KLHL14: variants seen among roughly 807,000 people sequenced by gnomAD.
The protein encoded by KLHL14 is kelch like family member 14.
A neutral mutation model predicts 64.3 loss-of-function variants in KLHL14; 22 were observed. The observed-to-expected ratio is 0.34, with a 90% CI of 0.24 to 0.49. KLHL14 has a LOEUF of 0.49. Ranked by LOEUF, KLHL14 falls within the 20% of genes least tolerant of loss-of-function variation. The pLI is 0.99. For missense variants in KLHL14, 661 were observed against 789.0 expected (o/e 0.84, Z 1.94); for synonymous variants, 322 against 333.4 (o/e 0.97, Z 0.37).
In KLHL14 at chr18:32,683,707, G is replaced by A. The variant is rs568954814; in HGVS notation, c.1239-3108C>T. Among the ~76,000 whole-genome samples the A allele has an allele frequency of 1.2e-4, 19 of 152,228 alleles. No individual in the cohort carries two copies. The highest frequency in any genetic ancestry group is 2.2e-4 in the African/African-American group (9 of 41,546). ...GTTTTAAAAAGATTAATAATAATGCGTACAAATATACTTTACACTCTGCTT... is the reference window on the plus strand; with the variant it reads ...GTTTTAAAAAGATTAATAATAATGCATACAAATATACTTTACACTCTGCTT... On this transcript the variant is annotated intron_variant, in intron 5 of 8. Transcript: ENST00000359358. This position sits in a 1 kb window ranked among gnomAD's most constrained non-coding sequence, Gnocchi z 4.2.
At chr18:32,692,962 C>T (rs866146459) in intron 4 of KLHL14, among the ~76,000 whole-genome samples, 31 of 152,188 alleles carry the variant, frequency 2.0e-4, no homozygotes, top group African/African-American at 6.3e-4. Context: ...CTAATACTAA[C>T]GAAGTCAACT....
At chr18:32,758,847 G>T (rs985881751) in intron 2 of KLHL14, among the ~76,000 whole-genome samples, 1 of 152,092 alleles carries the variant, frequency 6.6e-6, no homozygotes, top group African/African-American at 2.4e-5. Context: ...CCCACATATT[G>T]CATGATTCTA....
At chr18:32,693,641 C>T (rs9646509) in intron 4 of KLHL14, among the ~76,000 whole-genome samples, 32,501 of 152,038 alleles carry the variant, frequency 0.21, 3,978 homozygotes, top group Non-Finnish European at 0.27. Context: ...AATTTATCCT[C>T]TGGGGCTTCA....
intron 4 of KLHL14, 57 bp from the exon 5 acceptor site, chr18:32,687,290 G>T: frequency 7.4e-7 from 1 of 1,351,694 alleles, no homozygotes; most frequent in Non-Finnish European, 1.1e-6. Flanking sequence ...ATTTGCACAT[G>T]TAGTAGTGTT....
At chr18:32,687,785 G>A (rs1412022659) in intron 4 of KLHL14, among the ~76,000 whole-genome samples, 3 of 152,158 alleles carry the variant, frequency 2.0e-5, no homozygotes, top group Non-Finnish European at 2.9e-5. Context: ...GATTTCCCAC[G>A]TGTCCCCAGC....
At chr18:32,768,259 T>C (rs954809434) in intron 2 of KLHL14, among the ~76,000 whole-genome samples, 7 of 152,118 alleles carry the variant, frequency 4.6e-5, no homozygotes, top group Non-Finnish European at 8.8e-5. Context: ...ACTTACAGGG[T>C]TTTGTTACAA....
chr18:32,699,864 T>G (rs6506979), intron 3 of KLHL14, among the ~76,000 whole-genome samples: 57,414 of 151,882 alleles, frequency 0.38, 12,946 homozygotes, highest in African/African-American at 0.64. Context: ...ACATTTGTTT[T>G]ATGGAGCCAG....
At chr18:32,754,251 C>T (rs1271301044) in intron 2 of KLHL14, among the ~76,000 whole-genome samples, 1 of 152,152 alleles carries the variant, frequency 6.6e-6, no homozygotes, top group Non-Finnish European at 1.5e-5. Context: ...TAATAAAGCC[C>T]AATTATTAGA....
At chr18:32,692,339 T>C (rs1312831447) in intron 4 of KLHL14, among the ~76,000 whole-genome samples, 1 of 152,206 alleles carries the variant, frequency 6.6e-6, no homozygotes, top group African/African-American at 2.4e-5. Context: ...ACCATTTTCA[T>C]AAGAACTAAT....
intron 3 of KLHL14, among the ~76,000 whole-genome samples, chr18:32,732,274 C>A (rs907732621): frequency 6.6e-6 from 1 of 152,072 alleles, no homozygotes; most frequent in Non-Finnish European, 1.5e-5. Flanking sequence ...TAATGAATAT[C>A]ATTCCTGACA....
Position 32,722,658 on chromosome 18 carries a change from A to C in KLHL14, c.1069+19270T>G, listed in dbSNP as rs144611802. 6.2e-4 allele frequency among the ~76,000 whole-genome samples: 95 copies of C among 152,316 alleles called. 1 individual carries two copies. The East Asian group carries it at 0.016, about 26-fold the overall frequency. On this transcript the variant is annotated intron_variant, in intron 3 of 8. Coordinates refer to ENST00000359358, the MANE Select transcript of KLHL14 (RefSeq NM_020805.3). The stretch of plus-strand genomic sequence containing the variant: ...GAAAATCATGGGAGAGGAAAAAAAA[A>C]CAGCAATCCATCTTAAAAATCAGGC...
intron 3 of KLHL14, among the ~76,000 whole-genome samples, chr18:32,717,832 T>C (rs2050053965): frequency 6.6e-6 from 1 of 152,212 alleles, no homozygotes; most frequent in Non-Finnish European, 1.5e-5. Flanking sequence ...TTGAGTATGA[T>C]GAATATAGAT....
intron 2 of KLHL14, among the ~76,000 whole-genome samples, chr18:32,755,016 G>A (rs2050274687): frequency 6.6e-6 from 1 of 152,070 alleles, no homozygotes; most frequent in African/African-American, 2.4e-5. Context: ...GAGACAATGA[G>A]GTGTGGCTTG....
At chr18:32,739,034 T>C (rs1338099108) in intron 3 of KLHL14, among the ~76,000 whole-genome samples, 1 of 152,100 alleles carries the variant, frequency 6.6e-6, no homozygotes, top group Non-Finnish European at 1.5e-5. Flanking sequence ...TGAGAAATGT[T>C]TGCTCAACAT....
At chr18:32,695,579 A>C in intron 3 of KLHL14, 27 bp from the exon 4 acceptor site, 2 of 1,445,262 alleles carry the variant, frequency 1.4e-6, no homozygotes, top group Non-Finnish European at 1.9e-6. Context: ...AAAAAAAGAC[A>C]TATGAAATTT....
rs774507705 is a variant in KLHL14, at chr18:32,674,681, G to A, written c.1863C>T (p.Pro621=). Residue 621 remains proline, a synonymous_variant, in exon 9 of 9, where the codon CCC becomes CCT. Coordinates refer to ENST00000359358, the MANE Select transcript of KLHL14 (RefSeq NM_020805.3). ...AGPACVTVIL[P]SCVPYNK is the part of the protein sequence containing the mutation. ...GTTATTTGTTGTATGGTACACAAGA[G>A]GGCAGAATAACTGTCACACAGGCAG... 22 of 780,748 alleles carry A rather than the reference G, an allele frequency of 2.8e-5. No individual in the cohort carries two copies. Among genetic ancestry groups the A allele is most frequent in the Admixed American group, 6.8e-5 (4 of 59,004 alleles). 48.4% of individuals were successfully genotyped at this position (780,748 alleles called of 1,614,324 possible). A position where few individuals can be genotyped will look rare whatever the true frequency, so the allele number is the denominator to read the frequency against.
At chr18:32,730,921 C>T (rs943845430) in intron 3 of KLHL14, among the ~76,000 whole-genome samples, 6 of 152,188 alleles carry the variant, frequency 3.9e-5, no homozygotes, top group Admixed American at 1.3e-4. Flanking sequence ...GAGAAGCGGT[C>T]GTCTGCCTTG....
At chr18:32,686,812 A>G (rs2049881654) in intron 5 of KLHL14, among the ~76,000 whole-genome samples, 1 of 152,162 alleles carries the variant, frequency 6.6e-6, no homozygotes, top group Admixed American at 6.5e-5. Flanking sequence ...CATTGCAAGT[A>G]TAGTATTTTA....
chr18:32,693,927 G>T (rs1343108994), intron 4 of KLHL14, among the ~76,000 whole-genome samples: 2 of 152,166 alleles, frequency 1.3e-5, no homozygotes, highest in African/African-American at 2.4e-5. Flanking sequence ...TCTCAGATGT[G>T]CCTTTGATTA....
Sources: gnomAD v4.1 joint callset for allele counts (sites outside exome capture counted in the v4.1 genomes callset) on GRCh38, gnomAD v4.1.1 for gene constraint, Gnocchi (gnomAD v3.1) non-coding constraint, MANE v1.5 for transcripts, NCBI Gene and HGNC (gene_info 2026-07-23, HGNC 2026-07-21) for gene names.